The following PLCH2 variants were observed in gnomAD, a reference collection of about 807,000 sequenced individuals.
The protein encoded by PLCH2 is 1-phosphatidylinositol 4,5-bisphosphate phosphodiesterase eta-2.
In PLCH2, 98 loss-of-function variants were observed where a neutral mutation model predicts 134.7. That is an observed-to-expected ratio of 0.73 (90% CI 0.62 to 0.86). The LOEUF is 0.86. Among genes scored for constraint, PLCH2 ranks in the 40% least tolerant of loss-of-function variants. PLCH2 has a pLI of 0.00. For missense variants in PLCH2, 1,994 were observed against 1,986.6 expected, an observed-to-expected ratio of 1.00 and a Z score of -0.07; for synonymous variants, 974 against 827.5, an observed-to-expected ratio of 1.18 and a Z score of -3.04.
chr1:2,461,612 G>C (rs1273746257), intron 2 of PLCH2, among the ~76,000 whole-genome samples: 2 of 152,166 alleles, frequency 1.3e-5, no homozygotes, highest in African/African-American at 4.8e-5. Context: ...GCCCGCAACA[G>C]GGAACACTGT....
In PLCH2 at chr1:2,448,217, C is replaced by T. The variant is rs916266264; in HGVS notation, c.115+17588C>T. Among the ~76,000 whole-genome samples, 6 of 152,192 alleles carry T rather than the reference C, an allele frequency of 3.9e-5. No homozygotes were observed. The highest frequency in any genetic ancestry group is 4.8e-5 in the African/African-American group (2 of 41,438). ...GTGTGTTTCCTGCAGCTGCTGGGACCGGCTGCCGTGCACTGGCCACTAAAA... is the reference window on the plus strand; with the variant it reads ...GTGTGTTTCCTGCAGCTGCTGGGACTGGCTGCCGTGCACTGGCCACTAAAA... On this transcript the variant is annotated intron_variant, in intron 2 of 3. Transcript: ENST00000609981. This position sits in a 1 kb window ranked among gnomAD's most constrained non-coding sequence, Gnocchi z 4.0.
chr1:2,477,502 C>T (rs1641699333), intron 1 of PLCH2, among the ~76,000 whole-genome samples: 1 of 152,170 alleles, frequency 6.6e-6, no homozygotes, highest in South Asian at 2.1e-4. Flanking sequence ...TGGGGATTAA[C>T]GTCTCTGTGC....
In PLCH2 at chr1:2,486,936, G is replaced by C; in HGVS notation, c.846G>C (p.Gln282His). Residue 282 changes from glutamine (Q) to histidine (H), a missense_variant, in exon 6 of 22, where the codon CAG becomes CAC. Physicochemically the swap from Gln to His is conservative, Grantham distance 24. Transcript: ENST00000378486. Reference sequence around the variant, plus strand: ...CGGGTGTGACCCTCGAGAGCTGCCAGGACATCATCGAGCAGTTTGAGCCAT... The same window carrying C: ...CGGGTGTGACCCTCGAGAGCTGCCACGACATCATCGAGCAGTTTGAGCCAT... ...KMAGVTLESC[Q>H]DIIEQFEPCP... 1 of 1,608,574 alleles carries C rather than the reference G, an allele frequency of 6.2e-7. No homozygotes were observed.
intron 2 of PLCH2, among the ~76,000 whole-genome samples, chr1:2,457,943 C>T (rs2100575956): frequency 6.6e-6 from 1 of 151,404 alleles, no homozygotes; most frequent in South Asian, 2.1e-4. Flanking sequence ...ATGCTGTCCA[C>T]CGGGCGGGTG....
chr1:2,428,609 G>A (rs1437882856), intron 1 of PLCH2, among the ~76,000 whole-genome samples: 3 of 152,258 alleles, frequency 2.0e-5, no homozygotes, highest in Non-Finnish European at 4.4e-5. Flanking sequence ...AGGTTGGACT[G>A]TGCCAGCCCC....
rs942876232 is a variant in PLCH2 at position 2,448,587 on chromosome 1, T to C, written c.115+17958T>C. 3.3e-5 allele frequency among the ~76,000 whole-genome samples: 5 copies of C among 152,312 alleles called. No homozygotes were observed. Among genetic ancestry groups the C allele is most frequent in the Admixed American group, 2.6e-4 (4 of 15,308 alleles). On this transcript the variant is annotated intron_variant, in intron 2 of 3. Transcript: ENST00000609981. This position sits in a 1 kb window ranked among gnomAD's most constrained non-coding sequence, Gnocchi z 4.0. The stretch of plus-strand genomic sequence containing the variant: ...AAATTCACAGGCTCTGGGATGCGGA[T>C]GTGTTTTCTGTCGGGGGTCGCCCTT...
Position 2,498,944 on chromosome 1 carries a change from C to A in PLCH2, c.2434+116C>A. The A allele has an allele frequency of 1.5e-6, 2 of 1,345,400 alleles. No homozygotes were observed. The highest frequency in any genetic ancestry group is 2.1e-6 in the Non-Finnish European group (2 of 967,674). The allele number at this position is 1,345,400 out of a possible 1,614,324, so 83.3% of individuals were successfully genotyped here. ...GGCCTCCCTCAGTGACAGTCCTGGG[C>A]GCCCTCCCCTCTAGGTGGGCAGTCC... On this transcript the variant is annotated intron_variant, in intron 18 of 21. Coordinates refer to ENST00000378486, the MANE Select transcript of PLCH2 (RefSeq NM_014638.4). The surrounding 1 kb of genome is among the most constrained non-coding windows in gnomAD (Gnocchi z 5.4).
chr1:2,473,072 G>T (rs192317600), upstream of PLCH2, among the ~76,000 whole-genome samples: 1,325 of 152,158 alleles, frequency 8.7e-3, 46 homozygotes, highest in Admixed American at 0.054. Flanking sequence ...GGACAAGATC[G>T]ATCTCCGCCA....
chr1:2,471,187 G>A (rs1287425677), intron 1 of PLCH2, among the ~76,000 whole-genome samples: 2 of 152,206 alleles, frequency 1.3e-5, no homozygotes, highest in African/African-American at 2.4e-5. Flanking sequence ...GACGGCGAGG[G>A]GGCAGGAAGG....
At chr1:2,497,372 G>T (rs1642953013) in intron 15 of PLCH2, 130 bp from the exon 16 acceptor site, 1 of 677,338 alleles carries the variant, frequency 1.5e-6, no homozygotes, top group South Asian at 1.7e-5. Flanking sequence ...CATTCACATT[G>T]GGTGAACGAG....
rs767690024 is a variant in PLCH2, at chr1:2,502,827, C to T, written c.2959+418C>T. On this transcript the variant is annotated intron_variant, in intron 21 of 21. Transcript: ENST00000378486. ...TGGCCTGAGGGTGCCTGCAGGCAAC[C>T]GGGGGCCCTGCAGGGAGAGATGAGT... 2.4e-5 allele frequency: 17 copies of T among 717,014 alleles called. No homozygotes were observed. The Middle Eastern group carries it at 6.8e-4, about 29-fold the overall frequency. The allele number at this position is 717,014 out of a possible 1,614,324, so 44.4% of individuals were successfully genotyped here.
At chr1:2,458,614 TCCATCTGTGCC>T (rs1640616163) in intron 2 of PLCH2, among the ~76,000 whole-genome samples, 1 of 152,100 alleles carries the variant, frequency 6.6e-6, no homozygotes, top group Non-Finnish European at 1.5e-5. Flanking sequence ...GAAGCTGGGC[TCCATCTGTGCC>T]CCTGGAGCAG....
At chr1:2,420,220 C>T in the PLCH2 span, among the ~76,000 whole-genome samples, 5 of 152,136 alleles carry the variant, frequency 3.3e-5, no homozygotes, top group African/African-American at 1.2e-4. Context: ...AGACTTGGAT[C>T]CCAAAGGAGC....
rs377200453 is a variant in PLCH2 at position 2,504,614 on chromosome 1, G to C, written c.3652G>C (p.Glu1218Gln). ...AGGCCAGCGGCCTCCCATACCTGAC[G>C]AACTGCAGCCCAGGTCCCTGGCCCC... ...ATGQRPPIPD[E>Q]LQPRSLAPRM... Residue 1218 changes from glutamate to glutamine, a missense_variant, in exon 22 of 22, where the codon GAA becomes CAA. Glu to Gln is a conservative substitution (Grantham distance 29). This residue lies in a region of PLCH2 where 900 missense variants were observed against 752.3 expected (regional missense o/e 1.20). Coordinates refer to ENST00000378486, the MANE Select transcript of PLCH2 (RefSeq NM_014638.4). 1.9e-6 allele frequency: 3 copies of C among 1,612,592 alleles called. No homozygotes were observed. The highest frequency in any genetic ancestry group is 1.7e-5 in the Admixed American group (1 of 60,004).
intron 2 of PLCH2, among the ~76,000 whole-genome samples, chr1:2,446,632 A>G (rs1162216408): frequency 3.0e-4 from 45 of 152,238 alleles, no homozygotes; most frequent in Admixed American, 2.9e-3. Flanking sequence ...GCCAGCCGGG[A>G]GAACAGCTTT....
At chr1:2,495,096 G>A (rs1379929613) in intron 12 of PLCH2, 148 bp downstream of exon 12, 4 of 629,404 alleles carry the variant, frequency 6.4e-6, no homozygotes, top group Non-Finnish European at 8.3e-6. Flanking sequence ...AGCAGATGGG[G>A]GTCTCCTCCA....
upstream of PLCH2, among the ~76,000 whole-genome samples, chr1:2,475,994 G>A (rs999150626): frequency 6.6e-6 from 1 of 152,198 alleles, no homozygotes; most frequent in Non-Finnish European, 1.5e-5. Context: ...GCCCAGCCTC[G>A]GCATCTGTGG....
Position 2,489,751 on chromosome 1 carries a change from C to T in PLCH2, c.1408-9C>T. 2 of 1,605,140 alleles carry T rather than the reference C, an allele frequency of 1.2e-6. No individual in the cohort carries two copies. On this transcript the variant is annotated splice_polypyrimidine_tract_variant and intron_variant, in intron 9 of 21. Transcript: ENST00000378486. ...CAGGGCCCCTCCCATCATGCACCTC[C>T]TCCCCCAGGGGAAGAAGCTCCCAGC...
rs1014387576 is a variant in PLCH2 at position 2,426,664 on chromosome 1, A to G, written c.-178+627A>G. Reference sequence around the variant, plus strand: ...TGGGCGGGCTCCACTCCCTCCATGAAGCTGGCCCCTGAGCGCAGATGTGCA... The same window carrying G: ...TGGGCGGGCTCCACTCCCTCCATGAGGCTGGCCCCTGAGCGCAGATGTGCA... On this transcript the variant is annotated intron_variant, in intron 1 of 3. Coordinates refer to the PLCH2 transcript ENST00000609981. Among the ~76,000 whole-genome samples the G allele has an allele frequency of 8.5e-5, 13 of 152,170 alleles. No homozygotes were observed. The East Asian group carries it at 9.6e-4, about 11-fold the overall frequency.
Sources: gnomAD v4.1 joint callset for allele counts (sites outside exome capture counted in the v4.1 genomes callset) on GRCh38, gnomAD v4.1.1 for gene constraint, gnomAD v4.1.1 regional missense constraint, Gnocchi (gnomAD v3.1) non-coding constraint, MANE v1.5 for transcripts, NCBI Gene and HGNC (gene_info 2026-07-23, HGNC 2026-07-21) for gene names.